The following DAB1 variants were observed in gnomAD, a reference collection of about 807,000 sequenced individuals.
DAB1 encodes DAB adaptor protein 1.
A neutral mutation model predicts 64.6 loss-of-function variants in DAB1; 15 were observed. The observed-to-expected ratio is 0.23, with a 90% CI of 0.16 to 0.36. The LOEUF is 0.36. Among genes scored for constraint, DAB1 ranks in the 10% least tolerant of loss-of-function variants. The probability of loss-of-function intolerance (pLI) is 1.00; values close to 1 mark genes in which losing one functional copy is unlikely to be tolerated. For synonymous variants in DAB1, 235 were observed against 251.9 expected (o/e 0.93, Z 0.64); for missense variants, 596 against 706.7 (o/e 0.84, Z 1.78).
chr1:57,796,639 G>A (rs1366487849), intron 6 of DAB1, among the ~76,000 whole-genome samples: 2 of 151,582 alleles, frequency 1.3e-5, no homozygotes, highest in Non-Finnish European at 3.0e-5. Context: ...GATACACAAG[G>A]CAGAGGCTGT....
intron 9 of DAB1, among the ~76,000 whole-genome samples, chr1:57,036,001 C>A (rs1476663186): frequency 6.6e-6 from 1 of 151,804 alleles, no homozygotes; most frequent in African/African-American, 2.4e-5. Context: ...TACCACCATG[C>A]CTGGCTAATT....
chr1:57,433,994 T>A (rs1317124234), intron 7 of DAB1, among the ~76,000 whole-genome samples: 1 of 152,060 alleles, frequency 6.6e-6, no homozygotes, highest in African/African-American at 2.4e-5. Context: ...ATTTGAAACA[T>A]TAAATAATTA....
At chr1:57,167,586 T>G (rs1280686170) in intron 2 of DAB1, among the ~76,000 whole-genome samples, 2 of 152,208 alleles carry the variant, frequency 1.3e-5, no homozygotes, top group African/African-American at 4.8e-5. Flanking sequence ...TCCTGAGCTC[T>G]ACATCCACCG....
chr1:58,106,417 C>T (rs543354186), intron 5 of DAB1, among the ~76,000 whole-genome samples: 2 of 152,300 alleles, frequency 1.3e-5, no homozygotes, highest in South Asian at 4.1e-4. Context: ...CTCTTGGGCT[C>T]AAGGGATCCT....
At chr1:57,478,114 C>T (rs112775587) in intron 7 of DAB1, among the ~76,000 whole-genome samples, 2,222 of 149,564 alleles carry the variant, frequency 0.015, 44 homozygotes, top group African/African-American at 0.051. Flanking sequence ...CAAGTGTTCT[C>T]ATTGTTCAAT....
At chr1:57,193,025 C>G (rs1029645311) in intron 2 of DAB1, among the ~76,000 whole-genome samples, 4 of 152,138 alleles carry the variant, frequency 2.6e-5, no homozygotes, top group African/African-American at 9.7e-5. Context: ...TCAAGCTAAA[C>G]AACATACGTA....
At chr1:57,744,152 G>C (rs1310402125) in intron 6 of DAB1, among the ~76,000 whole-genome samples, 1 of 152,172 alleles carries the variant, frequency 6.6e-6, no homozygotes, top group South Asian at 2.1e-4. Flanking sequence ...ATTTTGGGGG[G>C]CTTGCTCCCA....
At chr1:57,485,480 T>TA (rs1644078911) in intron 7 of DAB1, among the ~76,000 whole-genome samples, 1 of 152,170 alleles carries the variant, frequency 6.6e-6, no homozygotes, top group South Asian at 2.1e-4. Context: ...CATCAGGGAA[T>TA]ACAGAATAAA....
At chr1:57,191,135 G>A (rs1174608104) in intron 2 of DAB1, among the ~76,000 whole-genome samples, 1 of 152,180 alleles carries the variant, frequency 6.6e-6, no homozygotes, top group Non-Finnish European at 1.5e-5. Flanking sequence ...TGAATCATGA[G>A]TGATGGTAAA....
At chr1:58,023,756 G>T (rs868542645) in intron 5 of DAB1, among the ~76,000 whole-genome samples, 1 of 152,274 alleles carries the variant, frequency 6.6e-6, no homozygotes, top group Middle Eastern at 3.4e-3. Flanking sequence ...AGACAATTTT[G>T]TTTAACCATA....
At chr1:57,952,788 C>T (rs1220384563) in intron 5 of DAB1, among the ~76,000 whole-genome samples, 1 of 152,116 alleles carries the variant, frequency 6.6e-6, no homozygotes, top group Admixed American at 6.6e-5. Flanking sequence ...GAGGAGGGCT[C>T]TAAGAACAAG....
chr1:58,436,445 G>C (rs566653808), intron 3 of DAB1, among the ~76,000 whole-genome samples: 3 of 152,246 alleles, frequency 2.0e-5, no homozygotes, highest in South Asian at 4.1e-4. Context: ...TTCCCAGTTG[G>C]AACAACCAGA....
chr1:58,011,436 T>C (rs932221950), intron 5 of DAB1, among the ~76,000 whole-genome samples: 6 of 152,198 alleles, frequency 3.9e-5, no homozygotes, highest in African/African-American at 1.4e-4. Flanking sequence ...AGCCATATTA[T>C]CCTTATTTTA....
chr1:57,714,807 C>T (rs1647066338), intron 6 of DAB1, among the ~76,000 whole-genome samples: 1 of 151,986 alleles, frequency 6.6e-6, no homozygotes, highest in Admixed American at 6.6e-5. Flanking sequence ...ATTAAATGTG[C>T]CTTTTTATAG....
intron 2 of DAB1, among the ~76,000 whole-genome samples, chr1:57,167,547 C>G (rs906959326): frequency 2.0e-5 from 3 of 152,126 alleles, no homozygotes; most frequent in Non-Finnish European, 4.4e-5. Flanking sequence ...AGATGCTGTC[C>G]AAGTCCACAT....
chr1:57,629,519 T>C (rs1645961964), intron 7 of DAB1, among the ~76,000 whole-genome samples: 5 of 152,212 alleles, frequency 3.3e-5, no homozygotes, highest in Admixed American at 3.3e-4. Flanking sequence ...GGAAGAGTTT[T>C]GAAACATGTT....
intron 5 of DAB1, among the ~76,000 whole-genome samples, chr1:58,043,939 G>C (rs1256008069): frequency 6.6e-6 from 1 of 152,160 alleles, no homozygotes; most frequent in Non-Finnish European, 1.5e-5. Context: ...TGTTGGCCAG[G>C]CTGGTCTTGA....
chr1:57,605,032 A>G (rs577779798), intron 7 of DAB1, among the ~76,000 whole-genome samples: 6 of 152,234 alleles, frequency 3.9e-5, no homozygotes, highest in Non-Finnish European at 8.8e-5. Flanking sequence ...AAGAATATAA[A>G]ACAGGCTAAT....
At chr1:58,506,460 T>C (rs994917560) in intron 2 of DAB1, among the ~76,000 whole-genome samples, 2 of 152,116 alleles carry the variant, frequency 1.3e-5, no homozygotes, top group African/African-American at 4.8e-5. Context: ...TCATTTTCTA[T>C]CATCACTTTA....
Sources: allele counts gnomAD v4.1 joint callset (sites outside exome capture counted in the v4.1 genomes callset), GRCh38; gene constraint gnomAD v4.1.1; transcripts MANE v1.5; gene names NCBI Gene and HGNC (gene_info 2026-07-23, HGNC 2026-07-21).